LRP1B: variants seen among roughly 807,000 people sequenced by gnomAD.
LRP1B encodes low-density lipoprotein receptor-related protein 1B.
LRP1B carries 217 observed loss-of-function variants against 556.6 expected under a neutral mutation model. The observed-to-expected ratio is 0.39, with a 90% CI of 0.35 to 0.44. The LOEUF is 0.44. LRP1B is among the 20% of genes least tolerant of loss of function. The pLI is 1.00. For synonymous variants in LRP1B, 2,047 were observed against 1,865.8 expected, an observed-to-expected ratio of 1.10 and a Z score of -2.50; for missense variants, 5,053 against 5,620.8, an observed-to-expected ratio of 0.90 and a Z score of 3.23.
At chr2:141,831,180 A>G (rs1697100868) in intron 1 of LRP1B, among the ~76,000 whole-genome samples, 1 of 151,748 alleles carries the variant, frequency 6.6e-6, no homozygotes, top group Non-Finnish European at 1.5e-5. Flanking sequence ...TTTCTAAAAA[A>G]AATAATTTTC....
intron 25 of LRP1B, among the ~76,000 whole-genome samples, chr2:140,881,779 T>G (rs1255117343): frequency 6.6e-6 from 1 of 152,214 alleles, no homozygotes; most frequent in Non-Finnish European, 1.5e-5. Context: ...GCTAGCTTTC[T>G]GTATTAACTT....
At chr2:141,541,003 A>G (rs574506919) in intron 2 of LRP1B, among the ~76,000 whole-genome samples, 41 of 152,158 alleles carry the variant, frequency 2.7e-4, no homozygotes, top group Non-Finnish European at 4.3e-4. Flanking sequence ...AAAAACAACA[A>G]CAACATCCAA....
At chr2:141,818,531 C>CTTTTTTTTTTTTTTT (rs70994453) in intron 1 of LRP1B, among the ~76,000 whole-genome samples, 5 of 82,068 alleles carry the variant, frequency 6.1e-5, no homozygotes, top group Admixed American at 1.7e-4. Flanking sequence ...ATTTCTGTAT[C>CTTTTTTTTTTTTTTT]TTTTTTTTTT....
chr2:140,377,282 G>A (rs900664067), intron 68 of LRP1B, among the ~76,000 whole-genome samples: 1 of 152,002 alleles, frequency 6.6e-6, no homozygotes, highest in East Asian at 1.9e-4. Context: ...TCACCATGTT[G>A]GCCAGGATGG....
Position 140,751,282 on chromosome 2 carries a change from C to A in LRP1B, c.5758+17931G>T, listed in dbSNP as rs773030625. Reference sequence around the variant, plus strand: ...AGCTGGGATTACAGGCATGAGCCACCACGCATGGCCTCAGTTATAACTTTT... The same window carrying A: ...AGCTGGGATTACAGGCATGAGCCACAACGCATGGCCTCAGTTATAACTTTT... On this transcript the variant is annotated intron_variant, in intron 35 of 90. Coordinates refer to ENST00000389484, the MANE Select transcript of LRP1B (RefSeq NM_018557.3). Among the ~76,000 whole-genome samples, 70 of 152,236 alleles carry A rather than the reference C, an allele frequency of 4.6e-4. 1 individual carries two copies. The highest frequency in any genetic ancestry group is 1.3e-3 in the Admixed American group (20 of 15,286).
At chr2:141,803,983 ATGAC>A (rs1406662805) in intron 2 of LRP1B, among the ~76,000 whole-genome samples, 1 of 152,104 alleles carries the variant, frequency 6.6e-6, no homozygotes, top group African/African-American at 2.4e-5. Context: ...ATCTCACCTA[ATGAC>A]TTATAGACAT....
In LRP1B at chr2:142,006,292, T is replaced by C. The variant is rs555409033; in HGVS notation, c.82+124356A>G. The stretch of plus-strand genomic sequence containing the variant: ...TTTTACACTAATTACAAATATGCAA[T>C]AGAAGGGTTAATCAAAACATTCTGG... On this transcript the variant is annotated intron_variant, in intron 1 of 90. Coordinates refer to ENST00000389484, the MANE Select transcript of LRP1B (RefSeq NM_018557.3). Among the ~76,000 whole-genome samples, 41 of 152,282 alleles carry C rather than the reference T, an allele frequency of 2.7e-4. No individual in the cohort carries two copies. In the Middle Eastern group the frequency reaches 0.01, roughly 38 times the overall value.
chr2:140,685,718 C>T (rs1248170116), intron 41 of LRP1B, among the ~76,000 whole-genome samples: 1 of 152,156 alleles, frequency 6.6e-6, no homozygotes, highest in Non-Finnish European at 1.5e-5. Flanking sequence ...ATATAGCTGA[C>T]ACATAGTGAA....
Position 141,059,054 on chromosome 2 carries a change from C to A in LRP1B, c.1237G>T (p.Val413Phe). 3 of 1,492,022 alleles carry A rather than the reference C, an allele frequency of 2.0e-6. No individual in the cohort carries two copies. The highest frequency in any genetic ancestry group is 1.8e-6 in the Non-Finnish European group (2 of 1,115,034). 92.4% of individuals were successfully genotyped at this position (1,492,022 alleles called of 1,614,324 possible). ...NRHTVIQGRQ[V>F]RHLYGITVFE... ...ACAGTTATACCATAAAGATGTCTAA[C>A]CTATAAAGAGGGCAAAACATAACTA... The change falls in exon 9 of 91, where the codon GTT (valine) becomes TTT (phenylalanine). Residue 413 changes from valine to phenylalanine, a missense_variant and splice_region_variant. This residue lies in a region of LRP1B where 3,619 missense variants were observed against 3,931.9 expected (regional missense o/e 0.92). Transcript: ENST00000389484.
chr2:140,405,354 A>T (rs1684685215), intron 66 of LRP1B, among the ~76,000 whole-genome samples: 1 of 152,224 alleles, frequency 6.6e-6, no homozygotes, highest in African/African-American at 2.4e-5. Context: ...AAGAAAAGAA[A>T]TAACAAAAAT....
intron 32 of LRP1B, 113 bp downstream of exon 32, chr2:140,813,544 G>T: frequency 2.3e-6 from 2 of 853,980 alleles, no homozygotes; most frequent in Non-Finnish European, 3.7e-6. Context: ...TGTTCAATTT[G>T]AATATAGTTC....
chr2:140,782,294 G>C (rs565745953), intron 32 of LRP1B, among the ~76,000 whole-genome samples: 1 of 152,200 alleles, frequency 6.6e-6, no homozygotes, highest in Non-Finnish European at 1.5e-5. Context: ...GACTGAGACT[G>C]TATTTAGAGA....
At chr2:140,885,058 T>C (rs1055551655) in intron 24 of LRP1B, among the ~76,000 whole-genome samples, 1 of 152,168 alleles carries the variant, frequency 6.6e-6, no homozygotes, top group Admixed American at 6.5e-5. Flanking sequence ...TGATAAATCC[T>C]TGTAGTTTGT....
intron 2 of LRP1B, among the ~76,000 whole-genome samples, chr2:141,552,643 T>C (rs1685796295): frequency 6.6e-6 from 1 of 151,990 alleles, no homozygotes; most frequent in Admixed American, 6.6e-5. Context: ...TTATTATTTA[T>C]AGAAGTTTCT....
intron 18 of LRP1B, among the ~76,000 whole-genome samples, chr2:140,956,369 T>A (rs1169256325): frequency 6.6e-6 from 1 of 151,774 alleles, no homozygotes; most frequent in Non-Finnish European, 1.5e-5. Flanking sequence ...TTTGAAAGAG[T>A]ATTTATAGCT....
intron 86 of LRP1B, among the ~76,000 whole-genome samples, chr2:140,255,802 TTATC>T (rs1681647985): frequency 6.6e-6 from 1 of 152,212 alleles, no homozygotes; most frequent in South Asian, 2.1e-4. Flanking sequence ...TTTCACCTAA[TTATC>T]AATCAGTCAT....
At chr2:141,042,515 CTAA>C (rs1698731745) in intron 11 of LRP1B, among the ~76,000 whole-genome samples, 1 of 152,066 alleles carries the variant, frequency 6.6e-6, no homozygotes, top group South Asian at 2.1e-4. Flanking sequence ...GTGTAGCAGG[CTAA>C]TGTTTTAGTT....
chr2:141,516,584 G>A (rs1312836773), intron 2 of LRP1B, among the ~76,000 whole-genome samples: 1 of 152,010 alleles, frequency 6.6e-6, no homozygotes, highest in Admixed American at 6.6e-5. Context: ...TTACCCAGGA[G>A]TTTGAGGCTG....
At chr2:140,566,983 C>T (rs1199021281) in intron 43 of LRP1B, among the ~76,000 whole-genome samples, 1 of 152,116 alleles carries the variant, frequency 6.6e-6, no homozygotes, top group Non-Finnish European at 1.5e-5. Flanking sequence ...GCTGAAGTGA[C>T]ACATTGCAAC....
Sources: gnomAD v4.1 joint callset for allele counts (sites outside exome capture counted in the v4.1 genomes callset) on GRCh38, gnomAD v4.1.1 for gene constraint, gnomAD v4.1.1 regional missense constraint, MANE v1.5 for transcripts, NCBI Gene and HGNC (gene_info 2026-07-23, HGNC 2026-07-21) for gene names.